ATP2C1: variants seen among roughly 807,000 people sequenced by gnomAD.
ATP2C1 encodes the protein calcium-transporting ATPase type 2C member 1.
In ATP2C1, 31 loss-of-function variants were observed where a neutral mutation model predicts 120.5. The observed-to-expected ratio is 0.26, with a 90% CI of 0.19 to 0.35. ATP2C1 has a LOEUF of 0.35. Among genes scored for constraint, ATP2C1 ranks in the 10% least tolerant of loss-of-function variants. The pLI, the probability that ATP2C1 is intolerant of heterozygous loss-of-function variation, is 1.00. For missense variants in ATP2C1, 731 were observed against 1,107.5 expected (o/e 0.66, Z 4.83); for synonymous variants, 351 against 358.7 (o/e 0.98, Z 0.24).
At chr3:130,954,738 C>T (rs923721235) in intron 9 of ATP2C1, among the ~76,000 whole-genome samples, 9 of 152,130 alleles carry the variant, frequency 5.9e-5, no homozygotes, top group African/African-American at 1.7e-4. Flanking sequence ...CCACCCGCCT[C>T]GGCCACCCAA....
At chr3:130,989,522 G>A (rs1320262944) in intron 20 of ATP2C1, among the ~76,000 whole-genome samples, 5 of 141,094 alleles carry the variant, frequency 3.5e-5, no homozygotes, top group African/African-American at 1.1e-4. Context: ...CCGAGATTGC[G>A]CCATTGCACT....
chr3:130,918,542 T>TC (rs1161650540), intron 2 of ATP2C1: 3 of 749,090 alleles, frequency 4.0e-6, no homozygotes, highest in Non-Finnish European at 7.5e-6. Context: ...GCCCAGGCTC[T>TC]CACCACGGTC....
At chr3:130,878,691 C>G (rs1434719183) in intron 1 of ATP2C1, among the ~76,000 whole-genome samples, 1 of 152,168 alleles carries the variant, frequency 6.6e-6, no homozygotes, top group Non-Finnish European at 1.5e-5. Context: ...TCTTTCAGCA[C>G]TTTGAATATA....
rs374232912 is a variant in ATP2C1 at position 130,941,712 on chromosome 3, T to A, written c.531+13T>A. The A allele has an allele frequency of 4.4e-6, 7 of 1,590,342 alleles. No individual in the cohort carries two copies. The African/African-American group carries it at 9.4e-5, about 21-fold the overall frequency. Reference sequence around the variant, plus strand: ...ACGCTTGTTTGAGGTAAATTTGGGATCTGATTGTAATAAGTGAAAATACGT... The same window carrying A: ...ACGCTTGTTTGAGGTAAATTTGGGAACTGATTGTAATAAGTGAAAATACGT... On this transcript the variant is annotated intron_variant, in intron 8 of 27. Transcript: ENST00000510168.
chr3:130,879,845 GA>G, intron 1 of ATP2C1, among the ~76,000 whole-genome samples: 1 of 152,324 alleles, frequency 6.6e-6, no homozygotes, highest in East Asian at 1.9e-4. Context: ...CAGTGGCTTA[GA>G]TTGCAGTTGT....
chr3:130,937,639 G>A (rs1449691271), intron 6 of ATP2C1, among the ~76,000 whole-genome samples, 176 bp downstream of exon 6: 1 of 152,158 alleles, frequency 6.6e-6, no homozygotes, highest in East Asian at 1.9e-4. Flanking sequence ...TGTGGTGTGG[G>A]ACTAAGGAAC....
Position 130,987,073 on chromosome 3 carries a change from G to C in ATP2C1, c.1840-5878G>C, listed in dbSNP as rs535950561. Among the ~76,000 whole-genome samples the C allele has an allele frequency of 1.3e-4, 19 of 150,866 alleles. 1 individual carries two copies. In the South Asian group the frequency reaches 4.0e-3, roughly 32 times the overall value. ...TCTGCCTTAGCCTCCCAAGTAGCTG[G>C]AACTGTAGGTGCTCACCACTATGCT... On this transcript the variant is annotated intron_variant, in intron 20 of 27. Coordinates refer to ENST00000510168, the MANE Select transcript of ATP2C1 (RefSeq NM_001378687.1).
chr3:130,864,711 G>C (rs1027237691), intron 1 of ATP2C1, among the ~76,000 whole-genome samples: 1 of 152,230 alleles, frequency 6.6e-6, no homozygotes, highest in Non-Finnish European at 1.5e-5. Context: ...TCAGAGGGTG[G>C]AAGCCCGAAG....
intron 2 of ATP2C1, among the ~76,000 whole-genome samples, chr3:130,908,921 A>G (rs1234356004): frequency 1.3e-5 from 2 of 152,166 alleles, no homozygotes; most frequent in East Asian, 1.9e-4. Flanking sequence ...ATTTCTACAT[A>G]TTGTAAGTAT....
intron 2 of ATP2C1, among the ~76,000 whole-genome samples, chr3:130,921,443 C>T (rs924049508): frequency 6.6e-6 from 1 of 152,018 alleles, no homozygotes; most frequent in Non-Finnish European, 1.5e-5. Context: ...TTTTATTAAG[C>T]ATTTAATTTA....
upstream of ATP2C1, chr3:130,893,918 C>T (rs900560737): frequency 3.0e-6 from 3 of 985,466 alleles, no homozygotes; most frequent in Admixed American, 6.1e-5. Flanking sequence ...TCGGCCTTCA[C>T]TTCACTTCCG....
At chr3:130,869,989 A>T (rs7644366) in intron 1 of ATP2C1, among the ~76,000 whole-genome samples, 9,075 of 152,238 alleles carry the variant, frequency 0.06, 874 homozygotes, top group African/African-American at 0.2. Context: ...TGGAACCAGT[A>T]CAGCTGTTGA....
downstream of ATP2C1, among the ~76,000 whole-genome samples, chr3:131,006,635 T>TTGTGTG (rs3073260): frequency 6.8e-6 from 1 of 147,166 alleles, no homozygotes; most frequent in African/African-American, 2.5e-5. Flanking sequence ...TAGTGTGTGT[T>TTGTGTG]TGTGTGTGTG....
At chr3:130,950,110 T>A (rs2060308082) in intron 8 of ATP2C1, among the ~76,000 whole-genome samples, 1 of 152,144 alleles carries the variant, frequency 6.6e-6, no homozygotes. Flanking sequence ...TGGCATTTGA[T>A]TTCTTTCTCT....
chr3:130,917,956 G>T (rs2058758611), intron 2 of ATP2C1, among the ~76,000 whole-genome samples: 2 of 150,856 alleles, frequency 1.3e-5, no homozygotes, highest in Admixed American at 6.6e-5. Flanking sequence ...CACCCATGTT[G>T]TGCCATTTTG....
intron 2 of ATP2C1, among the ~76,000 whole-genome samples, chr3:130,912,341 G>T (rs945894727): frequency 6.6e-6 from 1 of 151,082 alleles, no homozygotes; most frequent in African/African-American, 2.4e-5. Context: ...GAAAATTTTC[G>T]CAACCTACTC....
intron 17 of ATP2C1, among the ~76,000 whole-genome samples, chr3:130,971,968 GT>G (rs1456587048): frequency 6.6e-6 from 1 of 151,974 alleles, no homozygotes; most frequent in Non-Finnish European, 1.5e-5. Context: ...AGATTCAAGA[GT>G]TTTAGAAAAG....
At chr3:130,995,463 AT>A (rs1335496751) in intron 22 of ATP2C1, among the ~76,000 whole-genome samples, 1 of 151,964 alleles carries the variant, frequency 6.6e-6, no homozygotes, top group Non-Finnish European at 1.5e-5. Flanking sequence ...AATGTGAAGT[AT>A]TTTCTCTTGT....
intron 22 of ATP2C1, among the ~76,000 whole-genome samples, chr3:130,995,258 C>CA (rs1283276925): frequency 3.3e-5 from 5 of 151,208 alleles, no homozygotes; most frequent in East Asian, 1.9e-4. Flanking sequence ...CCAAACAATA[C>CA]AAAAAAAATA....
Sources: allele counts gnomAD v4.1 joint callset (sites outside exome capture counted in the v4.1 genomes callset), GRCh38; gene constraint gnomAD v4.1.1; transcripts MANE v1.5; gene names NCBI Gene and HGNC (gene_info 2026-07-23, HGNC 2026-07-21).